CALB2: variants seen among roughly 807,000 people sequenced by gnomAD.
CALB2 encodes calbindin 2.
A neutral mutation model predicts 45.9 loss-of-function variants in CALB2; 34 were observed. The ratio of observed to expected loss-of-function variants is 0.74; its 90% confidence interval spans 0.56 to 0.99. The LOEUF (loss-of-function observed/expected upper bound fraction) is 0.99, where lower values mean the gene tolerates loss of function less well. Ranked by LOEUF, CALB2 falls within the 50% of genes least tolerant of loss-of-function variation. The probability of loss-of-function intolerance (pLI) is 0.00; values close to 1 mark genes in which losing one functional copy is unlikely to be tolerated. For missense variants in CALB2, 344 were observed against 339.3 expected (o/e 1.01, Z -0.11); for synonymous variants, 142 against 129.6 (o/e 1.10, Z -0.65).
chr16:71,367,060 G>A (rs149041738), intron 1 of CALB2, among the ~76,000 whole-genome samples: 7 of 152,232 alleles, frequency 4.6e-5, no homozygotes, highest in East Asian at 1.9e-4. Flanking sequence ...ACTGAGGGGT[G>A]AAGCCTCCTC....
At chr16:71,388,997 CAAAA>C (rs146702342) in intron 10 of CALB2, among the ~76,000 whole-genome samples, 5 of 60,676 alleles carry the variant, frequency 8.2e-5, no homozygotes. Context: ...GACTCCATCT[CAAAA>C]AAAAAAAAAA....
intron 1 of CALB2, among the ~76,000 whole-genome samples, chr16:71,366,937 G>GTA: frequency 6.6e-6 from 1 of 152,146 alleles, no homozygotes; most frequent in East Asian, 1.9e-4. Flanking sequence ...AGAGCAGGCG[G>GTA]TAGAATTATT....
chr16:71,379,491 TA>T (rs778042297), intron 4 of CALB2, among the ~76,000 whole-genome samples: 16 of 152,178 alleles, frequency 1.1e-4, no homozygotes, highest in Non-Finnish European at 1.8e-4. Flanking sequence ...TTCAACCAAA[TA>T]TATTACTAAT....
intron 1 of CALB2, among the ~76,000 whole-genome samples, chr16:71,370,565 A>AT (rs920657220): frequency 1.3e-5 from 2 of 151,856 alleles, no homozygotes; most frequent in Admixed American, 6.6e-5. Context: ...AGATATCCAT[A>AT]TTTTTTTTAA....
intron 10 of CALB2, among the ~76,000 whole-genome samples, chr16:71,388,644 CT>C (rs1470203248): frequency 6.6e-6 from 1 of 152,032 alleles, no homozygotes; most frequent in Non-Finnish European, 1.5e-5. Flanking sequence ...AAGAAGTAGG[CT>C]GGCGAGCTTT....
At chr16:71,376,133 TA>T (rs1324548479) in intron 3 of CALB2, among the ~76,000 whole-genome samples, 3 of 152,244 alleles carry the variant, frequency 2.0e-5, no homozygotes, top group Admixed American at 2.0e-4. Context: ...CAGATTAAGG[TA>T]AGTGTGTTAG....
intron 10 of CALB2, among the ~76,000 whole-genome samples, chr16:71,388,806 C>G (rs748733651): frequency 6.8e-6 from 1 of 147,648 alleles, no homozygotes; most frequent in Admixed American, 7.0e-5. Flanking sequence ...CATGGTGAAA[C>G]CCCCGTCTCT....
In CALB2 at chr16:71,377,713, G is replaced by A. The variant is rs925706197; in HGVS notation, c.308G>A (p.Arg103Lys). The change falls in exon 4 of 11, where the codon AGG becomes AAG. Residue 103 changes from arginine (R) to lysine (K), a missense_variant. Arg to Lys is a conservative substitution (Grantham distance 26, BLOSUM62 2). Around this residue, in one of 3 missense-constraint regions of CALB2, gnomAD observed 263 missense variants for 241.7 expected, o/e 1.09. Transcript: ENST00000302628. ...GAAGAGAACTTCCTTCTGTGCTTCA[G>A]GCAGCACGTGGGCTCCAGCGCCGAG... The part of the protein sequence containing the change: ...PTEENFLLCF[R>K]QHVGSSAEFM... The A allele has an allele frequency of 6.2e-7, 1 of 1,614,068 alleles. No homozygotes were observed. The highest frequency in any genetic ancestry group is 8.5e-7 in the Non-Finnish European group (1 of 1,179,962).
intron 4 of CALB2, among the ~76,000 whole-genome samples, chr16:71,378,504 C>T (rs1316579377): frequency 6.6e-6 from 1 of 152,068 alleles, no homozygotes; most frequent in African/African-American, 2.4e-5. Flanking sequence ...CACACCACTG[C>T]CCTCCAGGCT....
chr16:71,374,299 A>G (rs1052148305), intron 2 of CALB2, among the ~76,000 whole-genome samples: 3 of 152,218 alleles, frequency 2.0e-5, no homozygotes, highest in Non-Finnish European at 4.4e-5. Flanking sequence ...TAGTCTTTAA[A>G]GAAAATGAGC....
At chr16:71,363,709 A>C (rs768589048) in intron 1 of CALB2, among the ~76,000 whole-genome samples, 7 of 152,352 alleles carry the variant, frequency 4.6e-5, no homozygotes, top group Non-Finnish European at 1.0e-4. Flanking sequence ...GCAATACCAA[A>C]GTGAAACACA....
chr16:71,379,559 C>G (rs1486955663), intron 4 of CALB2, among the ~76,000 whole-genome samples: 1 of 152,232 alleles, frequency 6.6e-6, no homozygotes, highest in East Asian at 1.9e-4. Flanking sequence ...ACTCCACACT[C>G]TAACCATTCA....
At chr16:71,379,335 G>A (rs1486218502) in intron 4 of CALB2, among the ~76,000 whole-genome samples, 1 of 151,798 alleles carries the variant, frequency 6.6e-6, no homozygotes, top group African/African-American at 2.4e-5. Flanking sequence ...TTCCCCTCTT[G>A]GCAATATAAT....
At chr16:71,383,590 T>A (rs2042526793) in intron 6 of CALB2, 146 bp downstream of exon 6, 1 of 721,630 alleles carries the variant, frequency 1.4e-6, no homozygotes, top group African/African-American at 1.8e-5. Flanking sequence ...AAAGGGATGC[T>A]ACTTCGTGGC....
At chr16:71,368,386 G>A (rs1014656991) in intron 1 of CALB2, among the ~76,000 whole-genome samples, 29 of 152,270 alleles carry the variant, frequency 1.9e-4, no homozygotes, top group African/African-American at 4.8e-4. Flanking sequence ...GCATGTGCCC[G>A]TCGTCCAAGC....
At chr16:71,388,443 TTGA>T (rs1216194009) in intron 10 of CALB2, among the ~76,000 whole-genome samples, 5 of 152,138 alleles carry the variant, frequency 3.3e-5, no homozygotes, top group Admixed American at 6.6e-5. Context: ...TTTTCCAGTG[TTGA>T]TGATGACCTT....
chr16:71,389,503 G>A (rs1430465156), intron 10 of CALB2: 1 of 666,218 alleles, frequency 1.5e-6, no homozygotes, highest in East Asian at 3.0e-5. Flanking sequence ...CATTTTACAG[G>A]TGAGGCAGCT....
At position 71,377,683 on chromosome 16, in the gene CALB2, C is replaced by T; in HGVS notation, c.278C>T (p.Pro93Leu). The T allele has an allele frequency of 5.0e-6, 8 of 1,613,884 alleles. No individual in the cohort carries two copies. Among genetic ancestry groups the T allele is most frequent in the Non-Finnish European group, 6.8e-6 (8 of 1,179,818 alleles). Reference protein sequence around the residue: ...IEMAELAQILPTEENFLLCFR... With the variant: ...IEMAELAQILLTEENFLLCFR... ...TCTTCACAGCTGGCGCAGATCCTGC[C>T]AACCGAAGAGAACTTCCTTCTGTGC... The change falls in exon 4 of 11, where the codon CCA (proline) becomes CTA (leucine). Residue 93 changes from proline to leucine, a missense_variant. Around this residue, in one of 3 missense-constraint regions of CALB2, gnomAD observed 263 missense variants for 241.7 expected, o/e 1.09. Coordinates refer to ENST00000302628, the MANE Select transcript of CALB2 (RefSeq NM_001740.5).
chr16:71,372,599 T>G (rs1355496486), intron 2 of CALB2, among the ~76,000 whole-genome samples: 2 of 152,144 alleles, frequency 1.3e-5, no homozygotes, highest in African/African-American at 4.8e-5. Flanking sequence ...CCAGGAGGTT[T>G]CAAGTGCCCT....
Sources: allele counts gnomAD v4.1 joint callset (sites outside exome capture counted in the v4.1 genomes callset), GRCh38; gene constraint gnomAD v4.1.1; regional missense constraint gnomAD v4.1.1; transcripts MANE v1.5; gene names NCBI Gene and HGNC (gene_info 2026-07-23, HGNC 2026-07-21).